SLC43A1: variants seen among roughly 807,000 people sequenced by gnomAD.
The protein encoded by SLC43A1 is solute carrier family 43 member 1.
Under a neutral mutation model 59.5 loss-of-function variants are expected in SLC43A1, and 31 were observed. The ratio of observed to expected loss-of-function variants is 0.52; its 90% CI spans 0.39 to 0.70. SLC43A1 has a LOEUF of 0.70. Among genes scored for constraint, SLC43A1 ranks in the 30% least tolerant of loss-of-function variants. The probability of loss-of-function intolerance (pLI) is 0.00; values close to 1 mark genes in which losing one functional copy is unlikely to be tolerated. For synonymous variants in SLC43A1, 259 were observed against 290.9 expected (o/e 0.89, Z 1.12); for missense variants, 598 against 717.8 (o/e 0.83, Z 1.91).
intron 2 of SLC43A1, among the ~76,000 whole-genome samples, chr11:57,511,172 C>T (rs778901473): frequency 2.6e-5 from 4 of 151,996 alleles, no homozygotes. Context: ...ACCTATAATC[C>T]CAACACTTTG....
At chr11:57,501,091 C>G (rs745637308) in intron 3 of SLC43A1, 48 bp from the exon 4 acceptor site, 131 of 1,607,878 alleles carry the variant, frequency 8.1e-5, no homozygotes, top group Admixed American at 1.2e-4. Flanking sequence ...GAGCACCCCC[C>G]CTCCCCTCCC....
intron 13 of SLC43A1, 33 bp downstream of exon 13, chr11:57,488,883 G>T: frequency 6.3e-7 from 1 of 1,587,160 alleles, no homozygotes; most frequent in South Asian, 1.1e-5. Context: ...CGGTTGCAAA[G>T]CTCAGGAAGG....
At chr11:57,485,471 G>A (rs1388892357) in intron 14 of SLC43A1, among the ~76,000 whole-genome samples, 1 of 152,208 alleles carries the variant, frequency 6.6e-6, no homozygotes, top group Non-Finnish European at 1.5e-5. Flanking sequence ...GGGCCTGGTG[G>A]GTGCCCACAC....
At chr11:57,507,871 T>C (rs147626988) in intron 2 of SLC43A1, among the ~76,000 whole-genome samples, 2 of 152,294 alleles carry the variant, frequency 1.3e-5, no homozygotes, top group African/African-American at 2.4e-5. Flanking sequence ...ATCCCATCCG[T>C]AGTCTGAAAT....
chr11:57,497,614 G>C (rs1301640899), intron 6 of SLC43A1, 139 bp downstream of exon 6: 13 of 612,080 alleles, frequency 2.1e-5, no homozygotes, highest in Admixed American at 1.2e-4. Context: ...CCAGGAGAGA[G>C]GGGGAAGGCC....
Position 57,488,912 on chromosome 11 carries a change from TCA to T in SLC43A1, c.1409+2_1409+3del. On this transcript the variant is annotated splice_donor_variant and splice_donor_region_variant and intron_variant, in intron 13 of 14. Coordinates refer to ENST00000278426, the MANE Select transcript of SLC43A1 (RefSeq NM_003627.6). LOFTEE classifies it high-confidence loss of function. ...AGGAAGGCATTTCAGCCCAACAGACTCACACTGCAGCATAGAGACTCCCACAG... is the reference window on the plus strand; with the variant it reads ...AGGAAGGCATTTCAGCCCAACAGACTCACTGCAGCATAGAGACTCCCACAG... The T allele has an allele frequency of 6.2e-7, 1 of 1,612,958 alleles. No individual in the cohort carries two copies. Among genetic ancestry groups the T allele is most frequent in the Non-Finnish European group, 8.5e-7 (1 of 1,178,992 alleles).
In SLC43A1 at chr11:57,491,630, T is replaced by A. The variant is rs746185978; in HGVS notation, c.1019-4A>T. Reference sequence around the variant, plus strand: ...TTTTGTTGCTGTTCATTTGTCTCTGTGGGTAGGGAAACGTATGGTGAGGGG... The same window carrying A: ...TTTTGTTGCTGTTCATTTGTCTCTGAGGGTAGGGAAACGTATGGTGAGGGG... On this transcript the variant is annotated splice_region_variant and splice_polypyrimidine_tract_variant and intron_variant, in intron 9 of 14. Transcript: ENST00000278426. 3.1e-6 allele frequency: 5 copies of A among 1,614,090 alleles called. No individual in the cohort carries two copies. Among genetic ancestry groups the A allele is most frequent in the Non-Finnish European group, 8.5e-7 (1 of 1,180,000 alleles).
chr11:57,506,629 G>A (rs1049882059), intron 2 of SLC43A1, among the ~76,000 whole-genome samples: 1 of 152,186 alleles, frequency 6.6e-6, no homozygotes, highest in Non-Finnish European at 1.5e-5. Flanking sequence ...CTGAAGGTCA[G>A]GGACATCCAC....
At chr11:57,488,089 T>C (rs1943793065) in intron 13 of SLC43A1, among the ~76,000 whole-genome samples, 1 of 152,192 alleles carries the variant, frequency 6.6e-6, no homozygotes, top group Non-Finnish European at 1.5e-5. Context: ...AAGAGACTTA[T>C]GTCCTGACAG....
chr11:57,504,855 C>T lies in SLC43A1; in HGVS notation c.155-3526G>A, dbSNP rs528719791. 7.9e-5 allele frequency among the ~76,000 whole-genome samples: 12 copies of T among 152,282 alleles called. No individual in the cohort carries two copies. In the South Asian group the frequency reaches 2.5e-3, roughly 32 times the overall value. On this transcript the variant is annotated intron_variant, in intron 2 of 14. Coordinates refer to ENST00000278426, the MANE Select transcript of SLC43A1 (RefSeq NM_003627.6). ...ATTCATTCCTGTTTTATCGATCAGC[C>T]TTTTATGAGTTTGACCAACGAGTTC...
At chr11:57,495,076 G>A (rs1016120539) in intron 7 of SLC43A1, among the ~76,000 whole-genome samples, 8 of 151,734 alleles carry the variant, frequency 5.3e-5, no homozygotes, top group African/African-American at 7.3e-5. Context: ...TAGAACTCCC[G>A]ACCTCAGGCG....
At position 57,494,104 on chromosome 11, in the gene SLC43A1, C is replaced by G. The variant is rs139307833; in HGVS notation, c.760G>C (p.Val254Leu). 4.8e-5 allele frequency: 77 copies of G among 1,611,544 alleles called. No individual in the cohort carries two copies. The highest frequency in any genetic ancestry group is 6.4e-5 in the Non-Finnish European group (75 of 1,178,908). ...KVTGDLFYTH[V>L]TTMGQRLSQK... ...CTGAGCCTCTGGCCCATGGTGGTCA[C>G]ATGGGTGTAGAAGAGGTCACCTGTC... Residue 254 changes from valine to leucine, a missense_variant, in exon 8 of 15, where the codon GTG (valine) becomes CTG (leucine). Val to Leu is a conservative substitution (Grantham distance 32, BLOSUM62 1). Transcript: ENST00000278426.
At chr11:57,496,577 T>G (rs1190851238) in intron 6 of SLC43A1, among the ~76,000 whole-genome samples, 9 of 152,188 alleles carry the variant, frequency 5.9e-5, no homozygotes, top group Non-Finnish European at 1.2e-4. Context: ...CTAATCGTGT[T>G]TATCCTGCCC....
intron 7 of SLC43A1, 80 bp from the exon 8 acceptor site, chr11:57,494,251 C>G: frequency 7.8e-7 from 1 of 1,283,042 alleles, no homozygotes; most frequent in Non-Finnish European, 1.1e-6. Flanking sequence ...GGCGGCCATC[C>G]CAGCGGTTTC....
Position 57,494,053 on chromosome 11 carries a change from C to T in SLC43A1, c.811G>A (p.Gly271Ser), listed in dbSNP as rs772681191. Residue 271 changes from glycine to serine, a missense_variant, in exon 8 of 15, where the codon GGT becomes AGT. Gly to Ser is a moderately conservative substitution (Grantham distance 56, BLOSUM62 0). Transcript: ENST00000278426. ...LSQKAPSLEDGSDAFMSPQDV... is the reference protein window; with the variant it reads ...LSQKAPSLEDSSDAFMSPQDV... ...TGGGGTGACATGAAGGCATCCGAAC[C>T]GTCCTCCAGGCTGGGGGCCTTCTGG... The T allele has an allele frequency of 1.2e-5, 20 of 1,610,968 alleles. No homozygotes were observed. Among genetic ancestry groups the T allele is most frequent in the African/African-American group, 6.7e-5 (5 of 74,704 alleles).
chr11:57,497,610 G>A (rs1189805282), intron 6 of SLC43A1, 143 bp downstream of exon 6: 1 of 605,190 alleles, frequency 1.7e-6, no homozygotes, highest in East Asian at 2.8e-5. Context: ...TGGCCCAGGA[G>A]AGAGGGGGAA....
At chr11:57,511,108 T>C (rs1322579074) in intron 2 of SLC43A1, among the ~76,000 whole-genome samples, 3 of 151,672 alleles carry the variant, frequency 2.0e-5, no homozygotes, top group Non-Finnish European at 4.4e-5. Flanking sequence ...CTAAGAAAAA[T>C]GAAAGCATAC....
chr11:57,504,545 A>G (rs1944347939), intron 2 of SLC43A1, among the ~76,000 whole-genome samples: 1 of 152,232 alleles, frequency 6.6e-6, no homozygotes, highest in Non-Finnish European at 1.5e-5. Flanking sequence ...AATCCATGCA[A>G]TAACCCTAAA....
At chr11:57,505,426 C>T (rs1251200405) in intron 2 of SLC43A1, among the ~76,000 whole-genome samples, 1 of 151,850 alleles carries the variant, frequency 6.6e-6, no homozygotes, top group South Asian at 2.1e-4. Flanking sequence ...GCAGGAGAAT[C>T]GCTTGAACCC....
Sources: gnomAD v4.1 joint callset for allele counts (sites outside exome capture counted in the v4.1 genomes callset) on GRCh38, gnomAD v4.1.1 for gene constraint, MANE v1.5 for transcripts, NCBI Gene and HGNC (gene_info 2026-07-23, HGNC 2026-07-21) for gene names.